TBC1D22B: variants seen among roughly 807,000 people sequenced by gnomAD.
TBC1D22B encodes the protein chromosome 6 open reading frame 197.
Under a neutral mutation model 69.1 loss-of-function variants are expected in TBC1D22B, and 32 were observed. The ratio of observed to expected loss-of-function variants is 0.46; its 90% CI spans 0.35 to 0.62. The LOEUF is 0.62. Among genes scored for constraint, TBC1D22B ranks in the 20% least tolerant of loss-of-function variants. The pLI, the probability that TBC1D22B is intolerant of heterozygous loss-of-function variation, is 0.00. For synonymous variants in TBC1D22B, 206 were observed against 229.8 expected (o/e 0.90, Z 0.94); for missense variants, 462 against 630.9 (o/e 0.73, Z 2.87).
intron 12 of TBC1D22B, among the ~76,000 whole-genome samples, chr6:37,329,067 C>G (rs184409751): frequency 6.6e-6 from 1 of 151,938 alleles, no homozygotes; most frequent in East Asian, 1.9e-4. Flanking sequence ...TTTCATAACA[C>G]AATAATACAC....
At chr6:37,311,199 G>A (rs1767901064) in intron 8 of TBC1D22B, among the ~76,000 whole-genome samples, 1 of 146,156 alleles carries the variant, frequency 6.8e-6, no homozygotes. Flanking sequence ...TTTTTTTTAG[G>A]TCATTCCTAG....
intron 7 of TBC1D22B, among the ~76,000 whole-genome samples, chr6:37,287,734 G>A (rs551911200): frequency 1.2e-4 from 18 of 152,240 alleles, no homozygotes; most frequent in South Asian, 6.2e-4. Context: ...GTAATATTCC[G>A]TTGTACATAT....
At chr6:37,298,665 C>G (rs1767466733) in intron 8 of TBC1D22B, among the ~76,000 whole-genome samples, 1 of 151,576 alleles carries the variant, frequency 6.6e-6, no homozygotes, top group African/African-American at 2.4e-5. Flanking sequence ...CTTGCCTCAG[C>G]CTCCCGATTA....
intron 2 of TBC1D22B, among the ~76,000 whole-genome samples, chr6:37,270,607 C>G (rs753712307): frequency 2.6e-5 from 4 of 152,180 alleles, no homozygotes; most frequent in Non-Finnish European, 2.9e-5. Context: ...TTTATCCCAT[C>G]TTTCTCTCAT....
At chr6:37,314,653 T>C (rs931252995) in intron 10 of TBC1D22B, among the ~76,000 whole-genome samples, 1 of 152,140 alleles carries the variant, frequency 6.6e-6, no homozygotes, top group African/African-American at 2.4e-5. Context: ...ACTAGTGAAG[T>C]TGTAGTAGCT....
intron 2 of TBC1D22B, among the ~76,000 whole-genome samples, chr6:37,272,896 T>C (rs1224973480): frequency 1.3e-5 from 2 of 152,152 alleles, no homozygotes; most frequent in African/African-American, 4.8e-5. Context: ...AGATATTGAG[T>C]AAGCAACAAT....
At chr6:37,274,857 CT>C (rs1487122070) in intron 2 of TBC1D22B, among the ~76,000 whole-genome samples, 2 of 152,162 alleles carry the variant, frequency 1.3e-5, no homozygotes, top group Non-Finnish European at 2.9e-5. Flanking sequence ...TCAAGACCAT[CT>C]TGGCCAACAT....
chr6:37,285,315 C>CTTTTTTTTTTTTTTTTTTTTTTT (rs756459599), intron 6 of TBC1D22B, among the ~76,000 whole-genome samples: 4 of 73,562 alleles, frequency 5.4e-5, no homozygotes, highest in African/African-American at 2.4e-4. Context: ...TCCTTCCCCA[C>CTTTTTTTTTTTTTTTTTTTTTTT]TTTTTTTTTT....
intron 12 of TBC1D22B, among the ~76,000 whole-genome samples, chr6:37,325,991 C>T (rs572269277): frequency 6.6e-6 from 1 of 152,228 alleles, no homozygotes; most frequent in African/African-American, 2.4e-5. Flanking sequence ...GAAGTGGGGA[C>T]ATTCACTTGT....
At chr6:37,316,969 G>A (rs901477345) in intron 11 of TBC1D22B, 139 bp downstream of exon 11, 23 of 1,509,224 alleles carry the variant, frequency 1.5e-5, no homozygotes, top group Admixed American at 1.9e-5. Context: ...CCTCAGGGCA[G>A]GGCCTTTGCT....
chr6:37,275,092 A>T (rs6457985), intron 2 of TBC1D22B, among the ~76,000 whole-genome samples: 1 of 151,952 alleles, frequency 6.6e-6, no homozygotes, highest in South Asian at 2.1e-4. Context: ...ACTTCAAGCC[A>T]CACTGTGGCA....
At chr6:37,282,561 T>TTCTGTGGCCTGTAGACTGGTTTC (rs1562047789) in intron 4 of TBC1D22B, among the ~76,000 whole-genome samples, 197 bp downstream of exon 4, 1 of 152,224 alleles carries the variant, frequency 6.6e-6, no homozygotes, top group Non-Finnish European at 1.5e-5. Flanking sequence ...TGGGACTGGT[T>TTCTGTGGCCTGTAGACTGGTTTC]TCTGTGGCCT....
At chr6:37,302,770 C>T (rs1441680333) in intron 8 of TBC1D22B, among the ~76,000 whole-genome samples, 1 of 152,194 alleles carries the variant, frequency 6.6e-6, no homozygotes, top group Non-Finnish European at 1.5e-5. Flanking sequence ...CTGATTATGT[C>T]ATAGATGATC....
At chr6:37,302,163 G>T (rs1475590637) in intron 8 of TBC1D22B, among the ~76,000 whole-genome samples, 2 of 152,246 alleles carry the variant, frequency 1.3e-5, no homozygotes, top group Non-Finnish European at 2.9e-5. Context: ...TGATTCCCCT[G>T]TGAGTTGATA....
chr6:37,320,862 C>G (rs553097213), intron 12 of TBC1D22B, among the ~76,000 whole-genome samples: 1 of 152,186 alleles, frequency 6.6e-6, no homozygotes, highest in African/African-American at 2.4e-5. Flanking sequence ...CCTCCGGGCC[C>G]GTGGCAGCTT....
chr6:37,267,512 AAT>A (rs1209287800), intron 1 of TBC1D22B, among the ~76,000 whole-genome samples: 5 of 136,594 alleles, frequency 3.7e-5, no homozygotes, highest in Middle Eastern at 3.6e-3. Flanking sequence ...CTATATATAT[AAT>A]ATATATATAC....
intron 8 of TBC1D22B, among the ~76,000 whole-genome samples, chr6:37,304,556 A>G (rs1562059309): frequency 6.6e-6 from 1 of 152,242 alleles, no homozygotes. Flanking sequence ...GATTCACATT[A>G]TATGGAGTTA....
intron 1 of TBC1D22B, among the ~76,000 whole-genome samples, chr6:37,265,216 C>G (rs7748450): frequency 0.032 from 4,845 of 152,278 alleles, 245 homozygotes; most frequent in African/African-American, 0.11. Flanking sequence ...CTTGGGCTGA[C>G]AGCTTTAAAA....
intron 12 of TBC1D22B, among the ~76,000 whole-genome samples, chr6:37,328,848 T>C (rs1018308793): frequency 6.6e-6 from 1 of 152,150 alleles, no homozygotes; most frequent in African/African-American, 2.4e-5. Context: ...TGCCTCAGCC[T>C]CCCAAGTAGC....
Sources: allele counts gnomAD v4.1 joint callset (sites outside exome capture counted in the v4.1 genomes callset), GRCh38; gene constraint gnomAD v4.1.1; transcripts MANE v1.5; gene names NCBI Gene and HGNC (gene_info 2026-07-23, HGNC 2026-07-21).